ESRRB: variants seen among roughly 807,000 people sequenced by gnomAD.
ESRRB encodes estrogen related receptor beta.
Under a neutral mutation model 46.0 loss-of-function variants are expected in ESRRB, and 16 were observed. The observed-to-expected ratio is 0.35, with a 90% CI of 0.24 to 0.53. ESRRB has a LOEUF of 0.53. Ranked by LOEUF, ESRRB falls within the 20% of genes least tolerant of loss-of-function variation. The pLI is 0.93. For synonymous variants in ESRRB, 246 were observed against 259.6 expected, an observed-to-expected ratio of 0.95 and a Z score of 0.50; for missense variants, 488 against 607.4, an observed-to-expected ratio of 0.80 and a Z score of 2.07.
At chr14:76,368,044 C>A (rs1884545921), upstream of ESRRB, among the ~76,000 whole-genome samples, 1 of 150,522 alleles carries the variant, frequency 6.6e-6, no homozygotes. Context: ...TCCCCTCCTC[C>A]TGGGTTCAAG....
chr14:76,390,775 G>A (rs1885436122), intron 1 of ESRRB, among the ~76,000 whole-genome samples: 1 of 152,200 alleles, frequency 6.6e-6, no homozygotes, highest in Non-Finnish European at 1.5e-5. Context: ...ATTTTCCAAG[G>A]GGAAAGGCGC....
chr14:76,373,944 G>C (rs11625878), upstream of ESRRB, among the ~76,000 whole-genome samples: 4 of 152,196 alleles, frequency 2.6e-5, no homozygotes, highest in Admixed American at 6.5e-5. Flanking sequence ...CTGTGATGTG[G>C]TCTTTCTTTT....
intron 1 of ESRRB, among the ~76,000 whole-genome samples, chr14:76,403,004 A>G (rs1886008219): frequency 6.6e-6 from 1 of 152,108 alleles, no homozygotes; most frequent in Non-Finnish European, 1.5e-5. Context: ...TTGGCCAGGC[A>G]GCTTTCAAAC....
chr14:76,459,252 G>A (rs1888752173), intron 2 of ESRRB, among the ~76,000 whole-genome samples: 1 of 152,044 alleles, frequency 6.6e-6, no homozygotes, highest in Admixed American at 6.5e-5. Context: ...ACAAGCATTC[G>A]CCAGTGTGAG....
chr14:76,358,338 A>AGAAG (rs1884416115), intron 1 of ESRRB, among the ~76,000 whole-genome samples: 2 of 22,334 alleles, frequency 9.0e-5, no homozygotes, highest in Non-Finnish European at 1.7e-4. Context: ...AAAGAAAGAA[A>AGAAG]GAAAGAAAGA....
rs180967093 is a variant in ESRRB at position 76,500,014 on chromosome 14, T to C, written c.*1556T>C. 175 of 1,565,150 alleles carry C rather than the reference T, an allele frequency of 1.1e-4. 3 individuals are homozygous for C. In the East Asian group the frequency reaches 3.4e-3, roughly 30 times the overall value. The stretch of plus-strand genomic sequence containing the variant: ...CCACGCCCTTCTAGTCCAACCCCCC[T>C]CAATGAGAGAGGCAGGCAGATCTCA... On this transcript the variant is annotated 3_prime_UTR_variant, in exon 7 of 7. Transcript: ENST00000644823.
intron 1 of ESRRB, among the ~76,000 whole-genome samples, chr14:76,378,376 G>A (rs911283011): frequency 9.2e-5 from 14 of 152,196 alleles, no homozygotes; most frequent in Non-Finnish European, 1.5e-4. Context: ...AAAAGGCAAT[G>A]TCAGGGAAGC....
intron 3 of ESRRB, among the ~76,000 whole-genome samples, chr14:76,464,179 G>A (rs1033613910): frequency 6.6e-6 from 1 of 152,214 alleles, no homozygotes; most frequent in Admixed American, 6.5e-5. Context: ...AAAGAGGTGT[G>A]TGGGGGTGAT....
exon 1 of ESRRB, chr14:76,310,845 A>T: frequency 2.2e-6 from 1 of 455,454 alleles, no homozygotes; most frequent in Non-Finnish European, 4.4e-6. Flanking sequence ...AGTTATCAGC[A>T]ACTGAAAGCA....
chr14:76,358,412 A>G (rs937430010), intron 1 of ESRRB, among the ~76,000 whole-genome samples: 13 of 147,490 alleles, frequency 8.8e-5, no homozygotes, highest in South Asian at 2.2e-4. Flanking sequence ...AGAAAGAAAG[A>G]AAAGAAAAGA....
chr14:76,381,349 C>A (rs1885008531), intron 1 of ESRRB, among the ~76,000 whole-genome samples: 1 of 152,114 alleles, frequency 6.6e-6, no homozygotes, highest in African/African-American at 2.4e-5. Flanking sequence ...CTGCCTCCTG[C>A]CACTGGTGAG....
intron 1 of ESRRB, among the ~76,000 whole-genome samples, chr14:76,335,937 T>C (rs1327255843): frequency 2.0e-5 from 3 of 152,204 alleles, no homozygotes; most frequent in Non-Finnish European, 4.4e-5. Context: ...ATAGCTTCTA[T>C]TATTCAACCT....
At chr14:76,328,089 A>T (rs1019768615) in intron 1 of ESRRB, among the ~76,000 whole-genome samples, 1 of 152,156 alleles carries the variant, frequency 6.6e-6, no homozygotes, top group Non-Finnish European at 1.5e-5. Flanking sequence ...CATTTCTACC[A>T]GAGCTACAGA....
chr14:76,388,175 CTTTT>C (rs35368784), intron 1 of ESRRB, among the ~76,000 whole-genome samples: 6 of 118,258 alleles, frequency 5.1e-5, no homozygotes, highest in African/African-American at 2.1e-4. Context: ...TTCTTTCATT[CTTTT>C]TTTTTTTTTT....
At chr14:76,378,633 C>G (rs938809674) in intron 1 of ESRRB, among the ~76,000 whole-genome samples, 9 of 152,132 alleles carry the variant, frequency 5.9e-5, no homozygotes, top group African/African-American at 1.9e-4. Flanking sequence ...GGGCAGCAGC[C>G]CAGGCATTGA....
At position 76,472,189 on chromosome 14, in the gene ESRRB, A is replaced by G. The variant is rs576594667; in HGVS notation, c.577+9528A>G. On this transcript the variant is annotated intron_variant, in intron 3 of 6. Coordinates refer to ENST00000644823, the MANE Select transcript of ESRRB (RefSeq NM_001379180.1). ...AAGGGGAAAAAAGAAAGGAACGGAA[A>G]GGGAAGCTGGGCTGAAATAACTTCT... is the stretch of plus-strand genomic sequence containing the variant. Among the ~76,000 whole-genome samples the G allele has an allele frequency of 2.0e-5, 3 of 152,306 alleles. No individual in the cohort carries two copies. In the South Asian group the frequency reaches 6.2e-4, roughly 32 times the overall value.
At chr14:76,394,096 C>T (rs1189107460) in intron 1 of ESRRB, among the ~76,000 whole-genome samples, 2 of 151,900 alleles carry the variant, frequency 1.3e-5, no homozygotes, top group East Asian at 1.9e-4. Context: ...CCACCGTGCC[C>T]AGCCTAGAAC....
At chr14:76,403,819 T>G (rs920188224) in intron 1 of ESRRB, among the ~76,000 whole-genome samples, 4 of 152,078 alleles carry the variant, frequency 2.6e-5, no homozygotes, top group Admixed American at 1.3e-4. Context: ...CTCCGCCTCC[T>G]GGGTTCAAAC....
chr14:76,496,028 T>C (rs926928891), intron 6 of ESRRB, among the ~76,000 whole-genome samples: 3 of 152,206 alleles, frequency 2.0e-5, no homozygotes, highest in Non-Finnish European at 4.4e-5. Flanking sequence ...TGGCTGAGTG[T>C]CTGGCAACCT....
Sources: gnomAD v4.1 joint callset for allele counts (sites outside exome capture counted in the v4.1 genomes callset) on GRCh38, gnomAD v4.1.1 for gene constraint, MANE v1.5 for transcripts, NCBI Gene and HGNC (gene_info 2026-07-23, HGNC 2026-07-21) for gene names.